RAI14: variants seen among roughly 807,000 people sequenced by gnomAD.
RAI14 encodes the protein ankycorbin.
In RAI14, 45 loss-of-function variants were observed where a neutral mutation model predicts 115.4. The observed-to-expected ratio is 0.39, with a 90% CI of 0.31 to 0.50. The LOEUF is 0.50. RAI14 is among the 20% of genes least tolerant of loss of function. The pLI, the probability that RAI14 is intolerant of heterozygous loss-of-function variation, is 0.85. For synonymous variants in RAI14, 371 were observed against 415.4 expected (o/e 0.89, Z 1.30); for missense variants, 939 against 1,131.2 (o/e 0.83, Z 2.44).
intron 7 of RAI14, 150 bp from the exon 8 acceptor site, chr5:34,810,862 T>C (rs1183660560): frequency 1.3e-5 from 16 of 1,207,732 alleles, no homozygotes; most frequent in South Asian, 1.1e-4. Context: ...CGTGACTCTA[T>C]AGGGGTACAG....
intron 2 of RAI14, among the ~76,000 whole-genome samples, chr5:34,738,989 C>G (rs1745179699): frequency 6.6e-6 from 1 of 152,162 alleles, no homozygotes. Flanking sequence ...TGTATACAGC[C>G]TGCGGTATAT....
intron 2 of RAI14, among the ~76,000 whole-genome samples, chr5:34,697,642 G>A (rs1286618848): frequency 6.6e-6 from 1 of 152,114 alleles, no homozygotes; most frequent in East Asian, 1.9e-4. Flanking sequence ...CACAGATAGG[G>A]ACTATCATGA....
chr5:34,656,786 G>T, intron 1 of RAI14: 1 of 153,424 alleles, frequency 6.5e-6, no homozygotes, highest in South Asian at 1.9e-4. Context: ...GGCTGGGGCG[G>T]GGCGCGGGGC....
At chr5:34,796,960 T>G (rs994556313) in intron 4 of RAI14, among the ~76,000 whole-genome samples, 1 of 152,158 alleles carries the variant, frequency 6.6e-6, no homozygotes, top group Non-Finnish European at 1.5e-5. Flanking sequence ...GTGATTCTAA[T>G]GTGAAGCCAG....
At chr5:34,667,729 A>G (rs1032155386) in intron 1 of RAI14, among the ~76,000 whole-genome samples, 1 of 152,180 alleles carries the variant, frequency 6.6e-6, no homozygotes, top group Non-Finnish European at 1.5e-5. Context: ...ACCTCGAAGA[A>G]GAGGGTAAAA....
chr5:34,698,592 T>A (rs1739632338), intron 2 of RAI14, among the ~76,000 whole-genome samples: 1 of 151,966 alleles, frequency 6.6e-6, no homozygotes, highest in Non-Finnish European at 1.5e-5. Flanking sequence ...CCATCACGAT[T>A]GGGTAGGTTG....
At chr5:34,773,729 G>C (rs905336329) in intron 3 of RAI14, among the ~76,000 whole-genome samples, 1 of 152,132 alleles carries the variant, frequency 6.6e-6, no homozygotes, top group African/African-American at 2.4e-5. Context: ...CAGTTAGAAT[G>C]ACTATTATTA....
chr5:34,714,536 C>T (rs113251338), intron 2 of RAI14, among the ~76,000 whole-genome samples: 183 of 152,232 alleles, frequency 1.2e-3, no homozygotes, highest in African/African-American at 4.3e-3. Context: ...TGATCTTGAT[C>T]ATTTGCCAAT....
At chr5:34,666,402 T>A (rs1743218479) in intron 1 of RAI14, among the ~76,000 whole-genome samples, 2 of 151,892 alleles carry the variant, frequency 1.3e-5, no homozygotes, top group African/African-American at 2.4e-5. Context: ...GGGGGAAATA[T>A]CCCCAACTGG....
intron 1 of RAI14, among the ~76,000 whole-genome samples, chr5:34,665,754 A>G (rs114555780): frequency 1.3e-5 from 2 of 152,264 alleles, no homozygotes; most frequent in Non-Finnish European, 2.9e-5. Flanking sequence ...AGAACCCACA[A>G]TGACCACCTC....
chr5:34,743,759 C>T (rs1391705321), intron 2 of RAI14, among the ~76,000 whole-genome samples: 1 of 152,236 alleles, frequency 6.6e-6, no homozygotes, highest in Non-Finnish European at 1.5e-5. Flanking sequence ...AAGATCCCTT[C>T]TTTCACATGT....
intron 1 of RAI14, among the ~76,000 whole-genome samples, chr5:34,664,458 A>G (rs1742949628): frequency 1.3e-5 from 2 of 151,452 alleles, no homozygotes; most frequent in South Asian, 4.2e-4. Context: ...CATTTAGTGA[A>G]CACCAAAGCT....
chr5:34,788,641 G>A (rs190010801), intron 3 of RAI14, among the ~76,000 whole-genome samples: 10 of 152,282 alleles, frequency 6.6e-5, no homozygotes, highest in Admixed American at 6.5e-4. Context: ...CCATACTTGA[G>A]TTAATTCCAA....
intron 2 of RAI14, among the ~76,000 whole-genome samples, chr5:34,689,872 TCAAAA>T (rs551990995): frequency 6.6e-6 from 1 of 151,958 alleles, no homozygotes; most frequent in Non-Finnish European, 1.5e-5. Context: ...AAACTCCATC[TCAAAA>T]CAAAACAAAA....
intron 2 of RAI14, among the ~76,000 whole-genome samples, chr5:34,741,299 A>G (rs1745480406): frequency 6.6e-6 from 1 of 152,262 alleles, no homozygotes; most frequent in Non-Finnish European, 1.5e-5. Flanking sequence ...AAACAGAGGC[A>G]TGCGAGGTTA....
intron 5 of RAI14, among the ~76,000 whole-genome samples, chr5:34,805,436 C>G (rs1194101236): frequency 2.0e-5 from 3 of 152,198 alleles, no homozygotes; most frequent in Non-Finnish European, 4.4e-5. Context: ...CAGGCTTTTG[C>G]TCTTATTGCC....
chr5:34,672,400 C>T (rs944538149), intron 1 of RAI14, among the ~76,000 whole-genome samples: 2 of 152,134 alleles, frequency 1.3e-5, no homozygotes, highest in African/African-American at 4.8e-5. Flanking sequence ...GGGGGGGGAG[C>T]ATATTCAGTC....
chr5:34,813,292 T>C (rs1269860962), intron 10 of RAI14, among the ~76,000 whole-genome samples: 1 of 152,206 alleles, frequency 6.6e-6, no homozygotes, highest in Non-Finnish European at 1.5e-5. Flanking sequence ...GGATTCTAAG[T>C]TGTAGTAGAC....
intron 2 of RAI14, among the ~76,000 whole-genome samples, chr5:34,693,012 C>T (rs57314766): frequency 9.2e-4 from 140 of 152,222 alleles, no homozygotes; most frequent in African/African-American, 2.8e-3. Flanking sequence ...AGCCTTGCCC[C>T]GATCTCTGCT....
Sources: allele counts gnomAD v4.1 joint callset (sites outside exome capture counted in the v4.1 genomes callset), GRCh38; gene constraint gnomAD v4.1.1; transcripts MANE v1.5; gene names NCBI Gene and HGNC (gene_info 2026-07-23, HGNC 2026-07-21).